TICAM1: variants seen among roughly 807,000 people sequenced by gnomAD.
The protein encoded by TICAM1 is TIR domain containing adaptor molecule 1.
For synonymous variants in TICAM1, 439 were observed against 415.4 expected (o/e 1.06, Z -0.69); for missense variants, 895 against 938.2 (o/e 0.95, Z 0.60).
At chr19:4,824,792 G>T (rs1204681107) in intron 1 of TICAM1, among the ~76,000 whole-genome samples, 2 of 152,000 alleles carry the variant, frequency 1.3e-5, no homozygotes, top group Non-Finnish European at 2.9e-5. Flanking sequence ...AATTAGCCAC[G>T]TGTGGTGGCG....
intron 1 of TICAM1, among the ~76,000 whole-genome samples, chr19:4,822,599 A>T (rs1015565111): frequency 1.3e-5 from 2 of 152,298 alleles, no homozygotes; most frequent in South Asian, 4.1e-4. Context: ...TCATTTACAC[A>T]CATCGATGGC....
rs188831943 is a variant in TICAM1 at position 4,826,922 on chromosome 19, C to T, written c.-140+4692G>A. ...ACAGCCTCACCTAGTTTTAATTAAA[C>T]TAATGTTCAGGAAATAAGCATATGG... On this transcript the variant is annotated intron_variant, in intron 1 of 1. Transcript: ENST00000248244. Among the ~76,000 whole-genome samples, 10 of 152,082 alleles carry T rather than the reference C, an allele frequency of 6.6e-5. No homozygotes were observed. In the East Asian group the frequency reaches 1.7e-3, roughly 26 times the overall value.
chr19:4,824,365 C>G (rs562157350), intron 1 of TICAM1, among the ~76,000 whole-genome samples: 1 of 132,272 alleles, frequency 7.6e-6, no homozygotes, highest in East Asian at 2.2e-4. Flanking sequence ...GACAGAGTCT[C>G]GCTCTGTCAT....
chr19:4,818,492 T>C lies in TICAM1; in HGVS notation c.-115A>G. The C allele has an allele frequency of 6.9e-7, 1 of 1,441,878 alleles. No individual in the cohort carries two copies. Among genetic ancestry groups the C allele is most frequent in the South Asian group, 1.5e-5 (1 of 65,694 alleles). The allele number at this position is 1,441,878 out of a possible 1,614,324, so 89.3% of individuals were successfully genotyped here. On this transcript the variant is annotated 5_prime_UTR_variant, in exon 2 of 2. Transcript: ENST00000248244. The surrounding 1 kb of genome is among the most constrained non-coding windows in gnomAD (Gnocchi z 4.0). ...TCCCCTACCCATTCACTGTTCCAGG[T>C]TCTGCAGGAGCTGCCCAAGCAGATC...
At position 4,818,148 on chromosome 19, in the gene TICAM1, C is replaced by G; in HGVS notation, c.230G>C (p.Trp77Ser). The stretch of plus-strand genomic sequence containing the variant: ...GTCCTCGGTGCTGTCCACGCCAGCC[C>G]ACTGGCGGGCCACCAGCCGGGCCAC... ...DAVARLVARQ[W>S]AGVDSTEDPE... The change falls in exon 2 of 2, where the codon TGG becomes TCG. Residue 77 changes from tryptophan (W) to serine (S), a missense_variant. Trp to Ser is a radical substitution (Grantham distance 177). Transcript: ENST00000248244. The surrounding 1 kb of genome is among the most constrained non-coding windows in gnomAD (Gnocchi z 4.0). 2 of 1,609,514 alleles carry G rather than the reference C, an allele frequency of 1.2e-6. No individual in the cohort carries two copies. Among genetic ancestry groups the G allele is most frequent in the Non-Finnish European group, 1.7e-6 (2 of 1,179,634 alleles).
Position 4,818,081 on chromosome 19 carries a change from C to T in TICAM1, c.297G>A (p.Leu99=). 2.5e-6 allele frequency: 4 copies of T among 1,607,556 alleles called. No individual in the cohort carries two copies. The highest frequency in any genetic ancestry group is 3.4e-6 in the Non-Finnish European group (4 of 1,179,854). The change falls in exon 2 of 2, where the codon TTG becomes TTA. Residue 99 remains leucine (L), a synonymous_variant. Transcript: ENST00000248244. The surrounding 1 kb of genome is among the most constrained non-coding windows in gnomAD (Gnocchi z 4.0). The part of the protein sequence containing the change: ...PPDVSWAVAR[L]YHLLAEEKLC... ...GCTTCTCCTCAGCCAGCAGGTGGTA[C>T]AAGCGGGCCACAGCCCAGGACACAT...
At position 4,817,704 on chromosome 19, in the gene TICAM1, T is replaced by C; in HGVS notation, c.674A>G (p.His225Arg). ...MPFLSLHRSP[H>R]GPSKLCDDPQ... is the part of the protein sequence containing the mutation. The stretch of plus-strand genomic sequence containing the variant: ...GTCGTCACAGAGCTTGCTGGGCCCA[T>C]GTGGGCTGCGGTGCAGGCTGAGGAA... The change falls in exon 2 of 2, where the codon CAT becomes CGT. Residue 225 changes from histidine (H) to arginine (R), a missense_variant. Coordinates refer to ENST00000248244, the MANE Select transcript of TICAM1 (RefSeq NM_182919.4). The surrounding 1 kb of genome is among the most constrained non-coding windows in gnomAD (Gnocchi z 4.7). 6.3e-7 allele frequency: 1 copy of C among 1,594,206 alleles called. No homozygotes were observed. Among genetic ancestry groups the C allele is most frequent in the Non-Finnish European group, 8.5e-7 (1 of 1,171,744 alleles).
At position 4,816,497 on chromosome 19, in the gene TICAM1, G is replaced by A; in HGVS notation, c.1881C>T (p.Cys627=). 6.3e-7 allele frequency: 1 copy of A among 1,575,234 alleles called. No individual in the cohort carries two copies. The highest frequency in any genetic ancestry group is 8.6e-7 in the Non-Finnish European group (1 of 1,162,696). ...ATGCGTGCAGGGGTGGCGGCTGCGG[G>A]CACCCCGGCCAAGTGGGAAAGGGTG... ...APPPFPTWPG[C]PQPPPLHAWQ... The change falls in exon 2 of 2, where the codon TGC becomes TGT. Residue 627 remains cysteine (C), a synonymous_variant. Transcript: ENST00000248244. This position sits in a 1 kb window ranked among gnomAD's most constrained non-coding sequence, Gnocchi z 4.3.
At chr19:4,824,759 C>G (rs180670854) in intron 1 of TICAM1, among the ~76,000 whole-genome samples, 169 of 151,764 alleles carry the variant, frequency 1.1e-3, no homozygotes, top group Admixed American at 2.2e-3. Context: ...ATGGCGAAAT[C>G]CCGTCTCTAC....
At position 4,818,480 on chromosome 19, in the gene TICAM1, C is replaced by T; in HGVS notation, c.-103G>A. ...GCACGCCCAGTGTCCCCTACCCATTCACTGTTCCAGGTTCTGCAGGAGCTG... is the reference window on the plus strand; with the variant it reads ...GCACGCCCAGTGTCCCCTACCCATTTACTGTTCCAGGTTCTGCAGGAGCTG... On this transcript the variant is annotated 5_prime_UTR_variant, in exon 2 of 2. Transcript: ENST00000248244. This position sits in a 1 kb window ranked among gnomAD's most constrained non-coding sequence, Gnocchi z 4.0. 2.8e-6 allele frequency: 4 copies of T among 1,450,698 alleles called. No individual in the cohort carries two copies. Among genetic ancestry groups the T allele is most frequent in the South Asian group, 1.5e-5 (1 of 67,184 alleles). The allele number at this position is 1,450,698 out of a possible 1,614,324, so 89.9% of individuals were successfully genotyped here.
rs1435372660 is a variant in TICAM1, at chr19:4,816,708, T to A, written c.1670A>T (p.Asp557Val). 1 of 1,614,080 alleles carries A rather than the reference T, an allele frequency of 6.2e-7. No individual in the cohort carries two copies. Among genetic ancestry groups the A allele is most frequent in the African/African-American group, 1.3e-5 (1 of 75,070 alleles). ...TGCCGCCGCCTGCATCCGCTCACCG[T>A]CCAGGTGTTGGCTCTGTTCCCGCAG... is the stretch of plus-strand genomic sequence containing the variant. ...RALREQSQHL[D>V]GERMQAAALN... Residue 557 changes from aspartate (D) to valine (V), a missense_variant, in exon 2 of 2, where the codon GAC becomes GTC. Transcript: ENST00000248244. This position sits in a 1 kb window ranked among gnomAD's most constrained non-coding sequence, Gnocchi z 4.3.
Position 4,816,432 on chromosome 19 carries a change from G to T in TICAM1, c.1946C>A (p.Ala649Glu). Residue 649 changes from alanine to glutamate, a missense_variant, in exon 2 of 2, where the codon GCA becomes GAA. Coordinates refer to ENST00000248244, the MANE Select transcript of TICAM1 (RefSeq NM_182919.4). The surrounding 1 kb of genome is among the most constrained non-coding windows in gnomAD (Gnocchi z 4.3). ...GAAGGGCAGTGACTGTGGAAAGGCT[G>T]CTGGCTGTGGGGAGGGCGGTGGGGG... Reference protein sequence around the residue: ...GTPPPPSPQPAAFPQSLPFPQ... With the variant: ...GTPPPPSPQPEAFPQSLPFPQ... The T allele has an allele frequency of 6.4e-7, 1 of 1,559,742 alleles. No homozygotes were observed. Among genetic ancestry groups the T allele is most frequent in the Non-Finnish European group, 8.7e-7 (1 of 1,154,440 alleles).
chr19:4,816,869 C>T lies in TICAM1; in HGVS notation c.1509G>A (p.Thr503=), dbSNP rs538901003. The change falls in exon 2 of 2, where the codon ACG becomes ACA. Residue 503 remains threonine, a synonymous_variant. Transcript: ENST00000248244. This position sits in a 1 kb window ranked among gnomAD's most constrained non-coding sequence, Gnocchi z 4.3. Reference sequence around the variant, plus strand: ...GCACCAGCCCGGAGAGCAGGCTGGCCGTGTCGGAGCTGAGCTGGGCCGGGG... The same window carrying T: ...GCACCAGCCCGGAGAGCAGGCTGGCTGTGTCGGAGCTGAGCTGGGCCGGGG... The part of the protein sequence containing the change: ...ESSPAQLSSD[T]ASLLSGLVRL... 60 of 1,612,642 alleles carry T rather than the reference C, an allele frequency of 3.7e-5. No homozygotes were observed. Among genetic ancestry groups the T allele is most frequent in the African/African-American group, 2.7e-4 (20 of 75,042 alleles).
In TICAM1 at chr19:4,817,644, C is replaced by T; in HGVS notation, c.734G>A (p.Gly245Asp). 1 of 1,584,558 alleles carries T rather than the reference C, an allele frequency of 6.3e-7. No individual in the cohort carries two copies. The highest frequency in any genetic ancestry group is 8.6e-7 in the Non-Finnish European group (1 of 1,165,222). The change falls in exon 2 of 2, where the codon GGT (glycine) becomes GAT (aspartate). Residue 245 changes from glycine (G) to aspartate (D), a missense_variant. Gly to Asp is a moderately conservative substitution (Grantham distance 94, BLOSUM62 -1). Coordinates refer to ENST00000248244, the MANE Select transcript of TICAM1 (RefSeq NM_182919.4). This position sits in a 1 kb window ranked among gnomAD's most constrained non-coding sequence, Gnocchi z 4.7. ...QASLVPEPVP[G>D]GCQEPEEMSW... ...CATCTCCTCAGGCTCCTGGCAGCCA[C>T]CGGGGACAGGCTCGGGCACCAAGCT...
chr19:4,820,142 C>A (rs1328703817), intron 1 of TICAM1, among the ~76,000 whole-genome samples: 1 of 151,974 alleles, frequency 6.6e-6, no homozygotes, highest in East Asian at 1.9e-4. Flanking sequence ...AAGTTTGGGC[C>A]AGGCGCAGTG....
intron 1 of TICAM1, among the ~76,000 whole-genome samples, chr19:4,828,144 T>G (rs1045737397): frequency 3.3e-5 from 5 of 151,990 alleles, no homozygotes; most frequent in African/African-American, 4.8e-5. Context: ...AGACGGAGTC[T>G]CGGTCTGTCT....
intron 1 of TICAM1, among the ~76,000 whole-genome samples, chr19:4,829,801 ATTTC>A (rs2093611282): frequency 8.7e-6 from 1 of 114,444 alleles, no homozygotes; most frequent in Admixed American, 9.6e-5. Flanking sequence ...TTTTAATTTC[ATTTC>A]TTTTTTTTTT....
rs1332617784 is a variant in TICAM1 at position 4,816,623 on chromosome 19, C to T, written c.1755G>A (p.Glu585=). 5.0e-6 allele frequency: 8 copies of T among 1,613,970 alleles called. No individual in the cohort carries two copies. In the Admixed American group the frequency reaches 8.3e-5, roughly 17 times the overall value. Reference sequence around the variant, plus strand: ...GGCTCCCAAAAGCCACCTGGAGCTGCTCCATCTGTGCCTGGTAGGACAAGT... The same window carrying T: ...GGCTCCCAAAAGCCACCTGGAGCTGTTCCATCTGTGCCTGGTAGGACAAGT... ...QSYLSYQAQM[E]QLQVAFGSHM... The change falls in exon 2 of 2, where the codon GAG becomes GAA. Residue 585 remains glutamate (E), a synonymous_variant. Coordinates refer to ENST00000248244, the MANE Select transcript of TICAM1 (RefSeq NM_182919.4). This position sits in a 1 kb window ranked among gnomAD's most constrained non-coding sequence, Gnocchi z 4.3.
intron 1 of TICAM1, among the ~76,000 whole-genome samples, chr19:4,821,557 TTA>T (rs1291524803): frequency 1.7e-4 from 26 of 152,040 alleles, no homozygotes; most frequent in Non-Finnish European, 3.1e-4. Flanking sequence ...GCTCACTCCC[TTA>T]CCCTCCTTCA....
Sources: gnomAD v4.1 joint callset for allele counts (sites outside exome capture counted in the v4.1 genomes callset) on GRCh38, gnomAD v4.1.1 for gene constraint, Gnocchi (gnomAD v3.1) non-coding constraint, MANE v1.5 for transcripts, NCBI Gene and HGNC (gene_info 2026-07-23, HGNC 2026-07-21) for gene names.